PLCE1: variants seen among roughly 807,000 people sequenced by gnomAD.
PLCE1 encodes the protein 1-phosphatidylinositol 4,5-bisphosphate phosphodiesterase epsilon-1.
In PLCE1, 119 loss-of-function variants were observed where a neutral mutation model predicts 242.8. The observed-to-expected ratio is 0.49, with a 90% confidence interval of 0.42 to 0.57. PLCE1 has a LOEUF of 0.57. Among genes scored for constraint, PLCE1 ranks in the 20% least tolerant of loss-of-function variants. The pLI is 0.00. For missense variants in PLCE1, 2,441 were observed against 2,788.8 expected, an observed-to-expected ratio of 0.88 and a Z score of 2.81; for synonymous variants, 945 against 1,017.4, an observed-to-expected ratio of 0.93 and a Z score of 1.35.
At chr10:94,110,077 T>TTTTTTC (rs1421633603) in intron 2 of PLCE1, among the ~76,000 whole-genome samples, 1 of 137,348 alleles carries the variant, frequency 7.3e-6, no homozygotes, top group African/African-American at 2.7e-5. Flanking sequence ...TTTTTTTTTT[T>TTTTTTC]TTTGAGATGG....
At chr10:94,232,208 C>T (rs1229451171) in intron 5 of PLCE1, among the ~76,000 whole-genome samples, 2 of 152,134 alleles carry the variant, frequency 1.3e-5, no homozygotes, top group Non-Finnish European at 2.9e-5. Context: ...GAGAGATTGG[C>T]ACATGGGTGT....
Position 94,171,195 on chromosome 10 carries a change from C to A in PLCE1, c.1508C>A (p.Pro503His). ...TTTGTTTTAGAACGCCAGCCAGGCC[C>A]CTCTGTGGCCAATTCCAATGCCCTC... is the stretch of plus-strand genomic sequence containing the variant. ...RMMLKERQPG[P>H]SVANSNALPS... The change falls in exon 4 of 33, where the codon CCC (proline) becomes CAC (histidine). Residue 503 changes from proline (P) to histidine (H), a missense_variant. Pro to His is a moderately conservative substitution (Grantham distance 77). Around this residue, in one of 5 missense-constraint regions of PLCE1, gnomAD observed 733 missense variants for 754.2 expected, o/e 0.97. Transcript: ENST00000371380. The A allele has an allele frequency of 6.2e-7, 1 of 1,614,094 alleles. No individual in the cohort carries two copies. Among genetic ancestry groups the A allele is most frequent in the Middle Eastern group, 1.7e-4 (1 of 6,060 alleles).
At chr10:94,008,547 G>T (rs1031295530) in intron 1 of PLCE1, among the ~76,000 whole-genome samples, 1 of 152,168 alleles carries the variant, frequency 6.6e-6, no homozygotes, top group Non-Finnish European at 1.5e-5. Flanking sequence ...GACCTCAAGT[G>T]ATCTGCCTGC....
At chr10:94,201,746 T>C (rs1246626076) in intron 4 of PLCE1, among the ~76,000 whole-genome samples, 1 of 152,208 alleles carries the variant, frequency 6.6e-6, no homozygotes, top group Non-Finnish European at 1.5e-5. Context: ...CCCAAAGTGC[T>C]GGGATTACAG....
rs2054127639 is a variant in PLCE1 at position 94,329,173 on chromosome 10, C to T, written c.*1230C>T. On this transcript the variant is annotated 3_prime_UTR_variant, in exon 33 of 33. Coordinates refer to ENST00000371380, the MANE Select transcript of PLCE1 (RefSeq NM_016341.4). ...GCTTCATTTCTCATTAACTGAAGAG[C>T]TATTGATCCAAGTCATACTTGCCAT... The T allele has an allele frequency of 6.6e-6, 1 of 152,166 alleles. No individual in the cohort carries two copies. The allele number at this position is 152,166 out of a possible 1,614,324, so 9.4% of individuals were successfully genotyped here. A position where few individuals can be genotyped will look rare whatever the true frequency, so the allele number is the denominator to read the frequency against.
At chr10:94,030,621 A>G (rs1236988522) in intron 1 of PLCE1, among the ~76,000 whole-genome samples, 62 bp from the exon 2 acceptor site, 1 of 152,104 alleles carries the variant, frequency 6.6e-6, no homozygotes, top group Admixed American at 6.6e-5. Context: ...TAGGATTGTG[A>G]GATCATTTTT....
At chr10:94,023,589 C>A (rs1427079842) in intron 1 of PLCE1, among the ~76,000 whole-genome samples, 1 of 152,136 alleles carries the variant, frequency 6.6e-6, no homozygotes, top group Non-Finnish European at 1.5e-5. Flanking sequence ...TGATGATTTG[C>A]ACGCTGATTA....
intron 14 of PLCE1, 117 bp downstream of exon 14, chr10:94,262,849 A>T: frequency 1.2e-6 from 1 of 842,258 alleles, no homozygotes; most frequent in Non-Finnish European, 2.0e-6. Flanking sequence ...TCTGGGACAG[A>T]TATACAGTTT....
chr10:94,120,005 G>T (rs72812694), intron 2 of PLCE1, among the ~76,000 whole-genome samples: 381 of 152,268 alleles, frequency 2.5e-3, no homozygotes, highest in Middle Eastern at 6.8e-3. Context: ...CCTCTGGATA[G>T]GCACCCCAGC....
chr10:94,065,543 G>A (rs1201836286), intron 2 of PLCE1, among the ~76,000 whole-genome samples: 1 of 152,184 alleles, frequency 6.6e-6, no homozygotes, highest in African/African-American at 2.4e-5. Context: ...ACTTTAGTCA[G>A]ATCGCAGGCA....
At chr10:94,297,675 T>C (rs951421504) in intron 23 of PLCE1, among the ~76,000 whole-genome samples, 1 of 139,874 alleles carries the variant, frequency 7.1e-6, no homozygotes, top group African/African-American at 2.7e-5. Context: ...TAAAACAAGG[T>C]ATGCCTGTAT....
chr10:94,245,941 T>C lies in PLCE1; in HGVS notation c.2421-5T>C, dbSNP rs756881836. 4 of 1,613,402 alleles carry C rather than the reference T, an allele frequency of 2.5e-6. No homozygotes were observed. Among genetic ancestry groups the C allele is most frequent in the Admixed American group, 1.7e-5 (1 of 60,030 alleles). On this transcript the variant is annotated splice_polypyrimidine_tract_variant and splice_region_variant and intron_variant, in intron 7 of 32. Coordinates refer to ENST00000371380, the MANE Select transcript of PLCE1 (RefSeq NM_016341.4). ...ACAAACCAAATTGGTGTTTCTTTCC[T>C]TAAGGTTTATAATTGGAGATTTGTT...
At chr10:94,154,057 C>A (rs551605291) in intron 3 of PLCE1, among the ~76,000 whole-genome samples, 1 of 152,228 alleles carries the variant, frequency 6.6e-6, no homozygotes, top group East Asian at 1.9e-4. Context: ...TTAAAGATTT[C>A]TTATTTCAAA....
chr10:93,994,617 G>A (rs2060785262), intron 1 of PLCE1, among the ~76,000 whole-genome samples: 2 of 152,250 alleles, frequency 1.3e-5, no homozygotes, highest in Admixed American at 1.3e-4. Context: ...GATTGTTCCT[G>A]GAGAGATTTG....
At chr10:94,313,423 A>G (rs754615541) in intron 28 of PLCE1, 41 bp downstream of exon 28, 5 of 1,611,164 alleles carry the variant, frequency 3.1e-6, no homozygotes, top group African/African-American at 2.7e-5. Context: ...CCAAAATCTA[A>G]GATGTATGGA....
intron 2 of PLCE1, among the ~76,000 whole-genome samples, chr10:94,127,973 A>C (rs2046482102): frequency 6.7e-6 from 1 of 149,828 alleles, no homozygotes; most frequent in Non-Finnish European, 1.5e-5. Context: ...ATCTAGGAAG[A>C]GATAATACCT....
intron 2 of PLCE1, among the ~76,000 whole-genome samples, chr10:94,084,572 T>C (rs955690223): frequency 6.6e-6 from 1 of 152,224 alleles, no homozygotes; most frequent in Non-Finnish European, 1.5e-5. Context: ...CTCAGGGCCC[T>C]TGTAAGTCTG....
chr10:94,179,123 G>A (rs2048215287), intron 4 of PLCE1, among the ~76,000 whole-genome samples: 2 of 152,108 alleles, frequency 1.3e-5, no homozygotes, highest in Admixed American at 1.3e-4. Flanking sequence ...TCTTTCCCTG[G>A]AACATTTCAC....
At position 94,031,656 on chromosome 10, in the gene PLCE1, C is replaced by G. The variant is rs1328605372; in HGVS notation, c.610C>G (p.Leu204Val). The G allele has an allele frequency of 1.2e-6, 2 of 1,613,686 alleles. No homozygotes were observed. Among genetic ancestry groups the G allele is most frequent in the Non-Finnish European group, 1.7e-6 (2 of 1,179,842 alleles). The change falls in exon 2 of 33, where the codon CTA (leucine) becomes GTA (valine). Residue 204 changes from leucine (L) to valine (V), a missense_variant. Leu to Val is a conservative substitution (Grantham distance 32). Transcript: ENST00000371380. ...DRRMSDTFCT[L>V]SENLILDDCG... ...AAGAATGTCAGACACTTTCTGTACCCTATCAGAAAACTTAATTTTAGACGA... is the reference window on the plus strand; with the variant it reads ...AAGAATGTCAGACACTTTCTGTACCGTATCAGAAAACTTAATTTTAGACGA...
Sources: allele counts gnomAD v4.1 joint callset (sites outside exome capture counted in the v4.1 genomes callset), GRCh38; gene constraint gnomAD v4.1.1; regional missense constraint gnomAD v4.1.1; transcripts MANE v1.5; gene names NCBI Gene and HGNC (gene_info 2026-07-23, HGNC 2026-07-21).